The following RPS6KA6 variants were observed in gnomAD, a reference collection of about 807,000 sequenced individuals.
RPS6KA6 encodes the protein ribosomal protein S6 kinase alpha-6.
A neutral mutation model predicts 65.4 loss-of-function variants in RPS6KA6; 27 were observed. The observed-to-expected ratio is 0.41, with a 90% CI of 0.30 to 0.57. The LOEUF is 0.57. Among genes scored for constraint, RPS6KA6 ranks in the 20% least tolerant of loss-of-function variants. The pLI, the probability that RPS6KA6 is intolerant of heterozygous loss-of-function variation, is 0.24. For missense variants in RPS6KA6, 486 were observed against 555.6 expected, an observed-to-expected ratio of 0.87 and a Z score of 1.26; for synonymous variants, 190 against 184.2, an observed-to-expected ratio of 1.03 and a Z score of -0.26.
Position 84,156,174 on chromosome X carries a change from T to C in RPS6KA6, c.159A>G (p.Lys53=). The part of the protein sequence containing the change: ...ADSCHDEGVV[K]EIPITHHVKE... ...TAACATGATGAGTAATAGGGATTTCTTTAACAACTCCTTCATCCTGTAAAA... is the reference window on the plus strand; with the variant it reads ...TAACATGATGAGTAATAGGGATTTCCTTAACAACTCCTTCATCCTGTAAAA... Residue 53 remains lysine, a synonymous_variant, in exon 3 of 22, where the codon AAA becomes AAG. Coordinates refer to ENST00000262752, the MANE Select transcript of RPS6KA6 (RefSeq NM_014496.5). 1.8e-6 allele frequency: 2 copies of C among 1,125,236 alleles called. No homozygotes were observed. Among genetic ancestry groups the C allele is most frequent in the Non-Finnish European group, 2.4e-6 (2 of 817,954 alleles). 92.7% of individuals were successfully genotyped at this position (1,125,236 alleles called of 1,213,427 possible).
rs1443641877 is a variant in RPS6KA6 at position 84,062,635 on chromosome X, C to T, written c.*1642G>A. The T allele has an allele frequency of 9.0e-6, 1 of 111,138 alleles. No individual in the cohort carries two copies. Among genetic ancestry groups the T allele is most frequent in the African/African-American group, 3.3e-5 (1 of 30,524 alleles). 9.2% of individuals were successfully genotyped at this position (111,138 alleles called of 1,213,427 possible). On this transcript the variant is annotated 3_prime_UTR_variant, in exon 22 of 22. Transcript: ENST00000262752. ...CAAAAGATACCTCAAAATAAGAATA[C>T]ATACTTTAATATATCACACCCAGGA...
intron 3 of RPS6KA6, among the ~76,000 whole-genome samples, chrX:84,153,706 T>C (rs902446871): frequency 1.3e-4 from 15 of 111,395 alleles, no homozygotes; most frequent in African/African-American, 4.6e-4. Flanking sequence ...TTCACAGCCT[T>C]GGCCAAATTC....
In RPS6KA6 at chrX:84,175,234, T is replaced by C. The variant is rs754744362; in HGVS notation, c.82-10847A>G. The stretch of plus-strand genomic sequence containing the variant: ...TATGAACCTCAGTATACGTGGGAGA[T>C]TGGTTCCAGGACCTCTCGTGGATGC... On this transcript the variant is annotated intron_variant, in intron 1 of 21. Coordinates refer to ENST00000262752, the MANE Select transcript of RPS6KA6 (RefSeq NM_014496.5). 3.3e-4 allele frequency among the ~76,000 whole-genome samples: 37 copies of C among 111,445 alleles called. 1 individual carries two copies. Among genetic ancestry groups the C allele is most frequent in the Non-Finnish European group, 3.8e-5 (2 of 53,042 alleles).
chrX:84,145,616 T>A, intron 5 of RPS6KA6, 59 bp from the exon 6 acceptor site: 2 of 602,583 alleles, frequency 3.3e-6, no homozygotes, highest in Non-Finnish European at 5.1e-6. Context: ...AAGCTTAGTA[T>A]GCTTTTAAAT....
intron 12 of RPS6KA6, among the ~76,000 whole-genome samples, chrX:84,114,769 C>A (rs1457767413): frequency 9.0e-6 from 1 of 111,628 alleles, no homozygotes; most frequent in Non-Finnish European, 1.9e-5. Context: ...ACACATAGAT[C>A]AATGGAACAA....
In RPS6KA6 at chrX:84,132,378, A is replaced by T. The variant is rs990552103; in HGVS notation, c.646+2404T>A. Among the ~76,000 whole-genome samples the T allele has an allele frequency of 8.1e-5, 9 of 110,794 alleles. No individual in the cohort carries two copies. In the East Asian group the frequency reaches 8.6e-4, roughly 11 times the overall value. ...AAGGCTGTGATAATAATAATAATTTAAAAAAAGGCTGTGATAAGATGTGAT... is the reference window on the plus strand; with the variant it reads ...AAGGCTGTGATAATAATAATAATTTTAAAAAAGGCTGTGATAAGATGTGAT... On this transcript the variant is annotated intron_variant, in intron 8 of 21. Coordinates refer to ENST00000262752, the MANE Select transcript of RPS6KA6 (RefSeq NM_014496.5).
chrX:84,134,478 T>A (rs2034958726), intron 8 of RPS6KA6, among the ~76,000 whole-genome samples: 1 of 111,275 alleles, frequency 9.0e-6, no homozygotes, highest in African/African-American at 3.3e-5. Context: ...TCACTATATT[T>A]CAAATGTGAT....
rs149326325 is a variant in RPS6KA6, at chrX:84,136,300, T to C, written c.502-1090A>G. On this transcript the variant is annotated intron_variant, in intron 6 of 21. Coordinates refer to ENST00000262752, the MANE Select transcript of RPS6KA6 (RefSeq NM_014496.5). ...AAATTGCATAAAGTACATGTCATAA[T>C]AGCTTACAACCTGCTTGCCCATTTA... 3.4e-3 allele frequency among the ~76,000 whole-genome samples: 378 copies of C among 111,610 alleles called. 2 individuals are homozygous for C. The highest frequency in any genetic ancestry group is 0.012 in the African/African-American group (362 of 30,889).
chrX:84,183,695 T>C (rs1299257258), intron 1 of RPS6KA6, among the ~76,000 whole-genome samples: 1 of 111,102 alleles, frequency 9.0e-6, no homozygotes, highest in Non-Finnish European at 1.9e-5. Flanking sequence ...ATTGTGCCCA[T>C]CCACGTGAAA....
intron 1 of RPS6KA6, among the ~76,000 whole-genome samples, chrX:84,170,635 CA>C (rs200340959): frequency 4.1e-5 from 4 of 98,663 alleles, no homozygotes; most frequent in Admixed American, 1.1e-4. Context: ...GGCTCAAAGG[CA>C]AAAAAAAACA....
rs1447517479 is a variant in RPS6KA6, at chrX:84,187,999, G to GCCT, written c.-101_-100insAGG. 1.9e-6 allele frequency: 1 copy of GCCT among 531,992 alleles called. No homozygotes were observed. The highest frequency in any genetic ancestry group is 2.5e-6 in the Non-Finnish European group (1 of 405,667). The allele number at this position is 531,992 out of a possible 1,213,427, so 43.8% of individuals were successfully genotyped here. The stretch of plus-strand genomic sequence containing the variant: ...GCCCGCCGCCGCCGCCGCCGCCGCC[G>GCCT]CCGCCGCCGCGACCCCCAGCCCCGC... On this transcript the variant is annotated 5_prime_UTR_variant, in exon 1 of 22. Transcript: ENST00000262752.
chrX:84,073,864 A>C, intron 20 of RPS6KA6, among the ~76,000 whole-genome samples: 1 of 111,344 alleles, frequency 9.0e-6, no homozygotes, highest in African/African-American at 3.3e-5. Flanking sequence ...TGGCTAGTAC[A>C]AAAATGACAA....
At chrX:84,082,516 A>C (rs2033822483) in intron 20 of RPS6KA6, among the ~76,000 whole-genome samples, 1 of 112,184 alleles carries the variant, frequency 8.9e-6, no homozygotes, top group African/African-American at 3.2e-5. Flanking sequence ...AAATGGCCAT[A>C]GTGCCCAAAG....
intron 6 of RPS6KA6, among the ~76,000 whole-genome samples, chrX:84,139,608 T>C (rs6524276): frequency 0.062 from 6,901 of 111,304 alleles, 229 homozygotes; most frequent in East Asian, 0.2. Context: ...GCTCTGGGAA[T>C]CAACAGTAGC....
intron 8 of RPS6KA6, among the ~76,000 whole-genome samples, chrX:84,127,555 C>T (rs1383147451): frequency 9.0e-6 from 1 of 110,763 alleles, no homozygotes. Context: ...AATAATAATG[C>T]AAAAATCCTC....
At chrX:84,123,947 G>A (rs2034727915) in intron 8 of RPS6KA6, among the ~76,000 whole-genome samples, 1 of 111,166 alleles carries the variant, frequency 9.0e-6, no homozygotes, top group South Asian at 3.8e-4. Flanking sequence ...CGGCCATAGG[G>A]GTGATTGCAT....
intron 20 of RPS6KA6, among the ~76,000 whole-genome samples, chrX:84,080,681 TCAC>T (rs1042081521): frequency 1.5e-4 from 16 of 107,839 alleles, no homozygotes; most frequent in African/African-American, 5.4e-4. Flanking sequence ...TACATTCTTC[TCAC>T]CACCACATCA....
chrX:84,142,843 A>T (rs1477354997), intron 6 of RPS6KA6, among the ~76,000 whole-genome samples: 4 of 111,328 alleles, frequency 3.6e-5, no homozygotes, highest in African/African-American at 1.3e-4. Flanking sequence ...GGAGTTAAAT[A>T]CTTTCCTATA....
chrX:84,059,473 T>C lies in RPS6KA6; in HGVS notation c.*4804A>G, dbSNP rs1312032116. Reference sequence around the variant, plus strand: ...GCTTTCCTGCTGTTAAAAATAATTTTATCATACTAAAAAACAAAACACTAC... The same window carrying C: ...GCTTTCCTGCTGTTAAAAATAATTTCATCATACTAAAAAACAAAACACTAC... On this transcript the variant is annotated 3_prime_UTR_variant, in exon 22 of 22. Transcript: ENST00000262752. 1 of 111,521 alleles carries C rather than the reference T, an allele frequency of 9.0e-6. No homozygotes were observed. The highest frequency in any genetic ancestry group is 1.9e-5 in the Non-Finnish European group (1 of 53,157). The allele number at this position is 111,521 out of a possible 1,213,427, so 9.2% of individuals were successfully genotyped here. A position where few individuals can be genotyped will look rare whatever the true frequency, so the allele number is the denominator to read the frequency against.
Sources: allele counts gnomAD v4.1 joint callset (sites outside exome capture counted in the v4.1 genomes callset), GRCh38; gene constraint gnomAD v4.1.1; transcripts MANE v1.5; gene names NCBI Gene and HGNC (gene_info 2026-07-23, HGNC 2026-07-21).